ROBO1: variants seen among roughly 807,000 people sequenced by gnomAD.
ROBO1 encodes roundabout homolog 1.
A neutral mutation model predicts 195.9 loss-of-function variants in ROBO1; 149 were observed. The observed-to-expected ratio is 0.76, with a 90% CI of 0.67 to 0.87. The LOEUF (loss-of-function observed/expected upper bound fraction) is 0.87. Ranked by LOEUF, ROBO1 falls within the 40% of genes least tolerant of loss-of-function variation. ROBO1 has a pLI of 0.00. For synonymous variants in ROBO1, 816 were observed against 733.2 expected, an observed-to-expected ratio of 1.11 and a Z score of -1.82; for missense variants, 1,933 against 2,068.3, an observed-to-expected ratio of 0.93 and a Z score of 1.27.
chr3:78,964,792 A>C (rs532814014), intron 3 of ROBO1, among the ~76,000 whole-genome samples: 5 of 151,044 alleles, frequency 3.3e-5, no homozygotes, highest in African/African-American at 9.7e-5. Context: ...AGAGGAAAGC[A>C]AGCTTAGGGT....
intron 2 of ROBO1, among the ~76,000 whole-genome samples, chr3:79,152,167 T>C (rs1236100846): frequency 6.6e-6 from 1 of 151,890 alleles, no homozygotes; most frequent in Non-Finnish European, 1.5e-5. Context: ...TGTTTAATTA[T>C]GTAGAAATAT....
intron 1 of ROBO1, among the ~76,000 whole-genome samples, chr3:79,632,866 CA>C (rs151128503): frequency 0.012 from 1,748 of 151,676 alleles, 28 homozygotes; most frequent in African/African-American, 0.04. Flanking sequence ...GAAAATATTC[CA>C]AAAAAGATAT....
chr3:78,688,299 T>C (rs957845104), intron 9 of ROBO1, among the ~76,000 whole-genome samples: 3 of 152,170 alleles, frequency 2.0e-5, no homozygotes, highest in Non-Finnish European at 2.9e-5. Context: ...TAAATGTACA[T>C]AAATCTCTTT....
chr3:79,527,169 A>G (rs1326013825), intron 2 of ROBO1, among the ~76,000 whole-genome samples: 1 of 152,168 alleles, frequency 6.6e-6, no homozygotes, highest in Admixed American at 6.5e-5. Context: ...TTTTTCCAAT[A>G]GAGGTAAAAT....
intron 4 of ROBO1, among the ~76,000 whole-genome samples, chr3:78,852,590 T>A (rs2034136035): frequency 1.3e-5 from 2 of 152,208 alleles, no homozygotes; most frequent in African/African-American, 4.8e-5. Flanking sequence ...TTGTCCTCAA[T>A]ATTTTATGCC....
intron 2 of ROBO1, among the ~76,000 whole-genome samples, chr3:79,161,489 T>C (rs2080965356): frequency 6.6e-6 from 1 of 152,108 alleles, no homozygotes; most frequent in Non-Finnish European, 1.5e-5. Flanking sequence ...GTTTACTGCA[T>C]GGTTCTTTGC....
chr3:79,020,186 A>G (rs970754033), intron 3 of ROBO1, among the ~76,000 whole-genome samples: 3 of 152,208 alleles, frequency 2.0e-5, no homozygotes, highest in African/African-American at 7.2e-5. Flanking sequence ...AGTTAGGAGA[A>G]GCTAGTCAGG....
intron 2 of ROBO1, among the ~76,000 whole-genome samples, chr3:79,447,696 A>C (rs1291117698): frequency 7.2e-6 from 1 of 138,558 alleles, no homozygotes; most frequent in Non-Finnish European, 1.5e-5. Flanking sequence ...ACTAGTCGCT[A>C]AACAAAAACC....
At chr3:79,688,112 C>A (rs1188504968) in intron 1 of ROBO1, among the ~76,000 whole-genome samples, 1 of 151,000 alleles carries the variant, frequency 6.6e-6, no homozygotes. Flanking sequence ...AGCAAACTAT[C>A]GCAAGGACTA....
intron 5 of ROBO1, among the ~76,000 whole-genome samples, chr3:78,738,133 T>A (rs758526105): frequency 1.3e-5 from 2 of 151,904 alleles, no homozygotes; most frequent in Non-Finnish European, 2.9e-5. Flanking sequence ...AGGAGACATG[T>A]GGGAATTGGG....
At chr3:79,707,907 A>G (rs925935504) in intron 1 of ROBO1, among the ~76,000 whole-genome samples, 2 of 152,358 alleles carry the variant, frequency 1.3e-5, no homozygotes, top group South Asian at 4.1e-4. Context: ...TAAATAACTA[A>G]TCTTTAAATT....
intron 1 of ROBO1, among the ~76,000 whole-genome samples, chr3:79,645,313 G>A (rs553439886): frequency 7.3e-4 from 111 of 151,874 alleles, no homozygotes; most frequent in African/African-American, 2.6e-3. Flanking sequence ...ATTAACTTGG[G>A]CAACGTCACA....
intron 1 of ROBO1, among the ~76,000 whole-genome samples, chr3:79,656,772 CTG>C (rs1398825424): frequency 6.6e-6 from 1 of 151,958 alleles, no homozygotes; most frequent in Non-Finnish European, 1.5e-5. Flanking sequence ...TGGCACATGC[CTG>C]TAGTCCCAGC....
At chr3:78,928,935 T>C (rs1262745886) in intron 4 of ROBO1, among the ~76,000 whole-genome samples, 1 of 152,112 alleles carries the variant, frequency 6.6e-6, no homozygotes, top group African/African-American at 2.4e-5. Context: ...ACCTGGTAAA[T>C]ATGTACAGAG....
intron 2 of ROBO1, among the ~76,000 whole-genome samples, chr3:79,558,440 A>G (rs1942791682): frequency 6.6e-6 from 1 of 152,208 alleles, no homozygotes; most frequent in African/African-American, 2.4e-5. Flanking sequence ...TATACAAAAT[A>G]TGTATGAATC....
chr3:78,611,818 T>C (rs1191271824), intron 28 of ROBO1, among the ~76,000 whole-genome samples: 1 of 152,040 alleles, frequency 6.6e-6, no homozygotes. Context: ...CAAGAGGAGA[T>C]TAGGACACAC....
intron 4 of ROBO1, among the ~76,000 whole-genome samples, chr3:78,869,407 G>C (rs1035179836): frequency 6.6e-6 from 1 of 152,156 alleles, no homozygotes; most frequent in Non-Finnish European, 1.5e-5. Context: ...GTGAAACAAT[G>C]TAATGAGGAG....
intron 4 of ROBO1, among the ~76,000 whole-genome samples, chr3:78,932,322 A>G (rs559263093): frequency 6.6e-6 from 1 of 152,330 alleles, no homozygotes; most frequent in South Asian, 2.1e-4. Flanking sequence ...GGACGTCTCA[A>G]GAGGCTTTAT....
intron 2 of ROBO1, among the ~76,000 whole-genome samples, chr3:79,283,670 T>C (rs940094506): frequency 1.9e-4 from 29 of 152,074 alleles, no homozygotes; most frequent in Non-Finnish European, 3.4e-4. Flanking sequence ...TCAATGGATA[T>C]CAATGAGAGT....
Sources: gnomAD v4.1 joint callset for allele counts (sites outside exome capture counted in the v4.1 genomes callset) on GRCh38, gnomAD v4.1.1 for gene constraint, MANE v1.5 for transcripts, NCBI Gene and HGNC (gene_info 2026-07-23, HGNC 2026-07-21) for gene names.